The following CHRM3 variants were observed in gnomAD, a reference collection of about 807,000 sequenced individuals.
The protein encoded by CHRM3 is cholinergic receptor muscarinic 3, also known as muscarinic acetylcholine receptor M3.
In CHRM3, 11 loss-of-function variants were observed where a neutral mutation model predicts 41.8. That is an observed-to-expected ratio of 0.26 (90% CI 0.17 to 0.44). The LOEUF (loss-of-function observed/expected upper bound fraction) is 0.44. Among genes scored for constraint, CHRM3 ranks in the 20% least tolerant of loss-of-function variants. The pLI is 1.00. For missense variants in CHRM3, 571 were observed against 745.4 expected (o/e 0.77, Z 2.72); for synonymous variants, 297 against 301.4 (o/e 0.99, Z 0.15).
At chr1:239,671,949 C>T (rs1370709478) in intron 4 of CHRM3, among the ~76,000 whole-genome samples, 2 of 152,052 alleles carry the variant, frequency 1.3e-5, no homozygotes, top group African/African-American at 4.8e-5. Context: ...GTGAATTCTG[C>T]AAAACAAGAA....
At chr1:239,586,668 A>G (rs1572801081) in intron 3 of CHRM3, among the ~76,000 whole-genome samples, 1 of 152,098 alleles carries the variant, frequency 6.6e-6, no homozygotes, top group Non-Finnish European at 1.5e-5. Context: ...GATATGTTGC[A>G]TGCTTTCTCC....
intron 6 of CHRM3, among the ~76,000 whole-genome samples, chr1:239,880,160 G>C (rs1170060361): frequency 6.6e-6 from 1 of 152,232 alleles, no homozygotes; most frequent in Non-Finnish European, 1.5e-5. Flanking sequence ...AGGGGGTAAG[G>C]AAAGTGTGGG....
At chr1:239,407,417 T>TATATATATATATATATATATATAGAGAG in intron 1 of CHRM3, among the ~76,000 whole-genome samples, 36 of 134,208 alleles carry the variant, frequency 2.7e-4, no homozygotes, top group South Asian at 1.2e-3. Context: ...TATATATATA[T>TATATATATATATATATATATATAGAGAG]AGAGAGAGAG....
intron 3 of CHRM3, among the ~76,000 whole-genome samples, chr1:239,554,228 A>G (rs1387062901): frequency 6.6e-6 from 1 of 152,246 alleles, no homozygotes; most frequent in Non-Finnish European, 1.5e-5. Context: ...CAAACATTAA[A>G]TTATCTGAAA....
chr1:239,745,497 T>C (rs1258725846), intron 5 of CHRM3, among the ~76,000 whole-genome samples: 1 of 152,070 alleles, frequency 6.6e-6, no homozygotes, highest in Non-Finnish European at 1.5e-5. Flanking sequence ...TTACTTTTTC[T>C]TTTTTTATTA....
intron 3 of CHRM3, among the ~76,000 whole-genome samples, chr1:239,576,620 AC>A (rs1662384708): frequency 6.6e-6 from 1 of 150,788 alleles, no homozygotes; most frequent in South Asian, 2.1e-4. Context: ...ACACACACAC[AC>A]AACAAACAAA....
chr1:239,523,712 A>G (rs1190698634), intron 2 of CHRM3, among the ~76,000 whole-genome samples: 2 of 152,186 alleles, frequency 1.3e-5, no homozygotes, highest in East Asian at 3.9e-4. Flanking sequence ...ATAAGCAACT[A>G]TTGTATGTTT....
intron 6 of CHRM3, among the ~76,000 whole-genome samples, chr1:239,841,320 G>A (rs1673777646): frequency 6.6e-6 from 1 of 152,130 alleles, no homozygotes; most frequent in African/African-American, 2.4e-5. Context: ...ATGCTCTGGA[G>A]ATGAATTTAA....
Position 239,824,831 on chromosome 1 carries a change from C to A in CHRM3, c.-146-2421C>A, listed in dbSNP as rs551813214. Among the ~76,000 whole-genome samples the A allele has an allele frequency of 1.3e-4, 20 of 152,298 alleles. No homozygotes were observed. The South Asian group carries it at 3.9e-3, about 30-fold the overall frequency. On this transcript the variant is annotated intron_variant, in intron 5 of 6. Transcript: ENST00000676153. Reference sequence around the variant, plus strand: ...TAACCAAGGAGATCTAGTGGCTCTGCCTGAAAGATTCTGCCTCCTTAAAGT... The same window carrying A: ...TAACCAAGGAGATCTAGTGGCTCTGACTGAAAGATTCTGCCTCCTTAAAGT...
chr1:239,900,827 G>C (rs191988418), intron 6 of CHRM3, among the ~76,000 whole-genome samples: 20 of 152,278 alleles, frequency 1.3e-4, no homozygotes, highest in Middle Eastern at 3.4e-3. Flanking sequence ...TACATGTAAA[G>C]TGTGTATAAT....
intron 5 of CHRM3, among the ~76,000 whole-genome samples, chr1:239,715,694 A>G (rs908998123): frequency 6.6e-6 from 1 of 152,102 alleles, no homozygotes; most frequent in Non-Finnish European, 1.5e-5. Context: ...TTAGTTTTGG[A>G]TAAGAGAAAA....
intron 5 of CHRM3, among the ~76,000 whole-genome samples, chr1:239,692,557 C>T (rs1322278509): frequency 6.6e-6 from 1 of 152,072 alleles, no homozygotes; most frequent in Non-Finnish European, 1.5e-5. Flanking sequence ...AAATTGGTTC[C>T]ATTACTCAAG....
chr1:239,585,539 C>A (rs1348024413), intron 3 of CHRM3, among the ~76,000 whole-genome samples: 1 of 152,148 alleles, frequency 6.6e-6, no homozygotes, highest in African/African-American at 2.4e-5. Context: ...TAAAGGGCAA[C>A]CGTCAGCCTT....
chr1:239,877,985 G>A (rs1380614819), intron 6 of CHRM3, among the ~76,000 whole-genome samples: 1 of 151,340 alleles, frequency 6.6e-6, no homozygotes, highest in Admixed American at 6.6e-5. Context: ...CTGCCTCCCA[G>A]GTTCATGCCA....
chr1:239,484,376 C>G (rs1220606404), intron 1 of CHRM3, among the ~76,000 whole-genome samples: 1 of 152,110 alleles, frequency 6.6e-6, no homozygotes, highest in Non-Finnish European at 1.5e-5. Flanking sequence ...ACCAAGGGGA[C>G]GGTGATAAGC....
At chr1:239,470,821 C>T (rs1050154986) in intron 1 of CHRM3, among the ~76,000 whole-genome samples, 2 of 152,122 alleles carry the variant, frequency 1.3e-5, no homozygotes, top group Admixed American at 1.3e-4. Context: ...ACTGTCACCA[C>T]CCTCAAATTG....
At chr1:239,667,968 G>C (rs1241170276) in intron 4 of CHRM3, among the ~76,000 whole-genome samples, 1 of 151,444 alleles carries the variant, frequency 6.6e-6, no homozygotes, top group Non-Finnish European at 1.5e-5. Context: ...ATTGCTTTTT[G>C]GAATTGGTGC....
chr1:239,468,844 A>G (rs1665914104), intron 1 of CHRM3, among the ~76,000 whole-genome samples: 1 of 152,218 alleles, frequency 6.6e-6, no homozygotes, highest in South Asian at 2.1e-4. Flanking sequence ...TCCTAGCCAA[A>G]TTGGGAAAGA....
At chr1:239,840,024 A>T (rs978439601) in intron 6 of CHRM3, among the ~76,000 whole-genome samples, 1 of 152,210 alleles carries the variant, frequency 6.6e-6, no homozygotes, top group Non-Finnish European at 1.5e-5. Context: ...CATTTAAATG[A>T]TAATGCACGC....
Sources: gnomAD v4.1 joint callset for allele counts (sites outside exome capture counted in the v4.1 genomes callset) on GRCh38, gnomAD v4.1.1 for gene constraint, MANE v1.5 for transcripts, NCBI Gene and HGNC (gene_info 2026-07-23, HGNC 2026-07-21) for gene names.